The following LRRC7 variants were observed in gnomAD, a reference collection of about 807,000 sequenced individuals.
LRRC7 encodes the protein leucine rich repeat containing 7.
LRRC7 carries 23 observed loss-of-function variants against 175.7 expected under a neutral mutation model. That is an observed-to-expected ratio of 0.13 (90% CI 0.09 to 0.19). The LOEUF is 0.19. LRRC7 is among the 10% of genes least tolerant of loss of function. The pLI, the probability that LRRC7 is intolerant of heterozygous loss-of-function variation, is 1.00. For missense variants in LRRC7, 1,354 were observed against 1,904.7 expected, an observed-to-expected ratio of 0.71 and a Z score of 5.38; for synonymous variants, 685 against 680.9, an observed-to-expected ratio of 1.01 and a Z score of -0.09.
chr1:69,812,196 G>A (rs533309734), intron 4 of LRRC7, among the ~76,000 whole-genome samples: 2 of 152,214 alleles, frequency 1.3e-5, no homozygotes, highest in East Asian at 3.9e-4. Flanking sequence ...GAGTACGTAT[G>A]GAACAAATGT....
intron 7 of LRRC7, among the ~76,000 whole-genome samples, chr1:69,876,582 C>A (rs184156406): frequency 2.6e-5 from 4 of 152,234 alleles, no homozygotes; most frequent in Admixed American, 6.5e-5. Context: ...AGGTAAAAAT[C>A]TTTTATTAAA....
intron 24 of LRRC7, among the ~76,000 whole-genome samples, chr1:70,089,172 T>C (rs969505801): frequency 6.6e-6 from 1 of 152,120 alleles, no homozygotes; most frequent in Admixed American, 6.6e-5. Context: ...TTTTCCTTTT[T>C]TTTACCCTCA....
chr1:70,048,568 T>C lies in LRRC7; in HGVS notation c.4111-4458T>C, dbSNP rs546218216. ...GAACATGACTCATAGGTTAAAAACC[T>C]CTTCCATACACATTATTACCTCACA... On this transcript the variant is annotated intron_variant, in intron 22 of 26. Transcript: ENST00000651989. Among the ~76,000 whole-genome samples the C allele has an allele frequency of 8.9e-4, 135 of 152,238 alleles. No homozygotes were observed. The South Asian group carries it at 0.021, about 24-fold the overall frequency.
intron 10 of LRRC7, among the ~76,000 whole-genome samples, chr1:69,989,177 G>A (rs549764373): frequency 2.0e-5 from 3 of 152,170 alleles, no homozygotes; most frequent in Admixed American, 1.3e-4. Context: ...ACTAAAAATA[G>A]ATGGTTAAGA....
chr1:69,833,628 A>G (rs760590188), intron 5 of LRRC7, among the ~76,000 whole-genome samples: 4 of 152,110 alleles, frequency 2.6e-5, no homozygotes, highest in African/African-American at 9.7e-5. Context: ...AAACGCAGAT[A>G]TAATGTCCCA....
At chr1:69,888,570 C>G (rs1382295029) in intron 7 of LRRC7, among the ~76,000 whole-genome samples, 2 of 152,126 alleles carry the variant, frequency 1.3e-5, no homozygotes, top group Non-Finnish European at 2.9e-5. Flanking sequence ...CAGAAATCAC[C>G]CGTCTTCTGC....
chr1:69,827,327 A>G (rs982868482), intron 5 of LRRC7, among the ~76,000 whole-genome samples: 8 of 152,154 alleles, frequency 5.3e-5, no homozygotes, highest in African/African-American at 2.4e-5. Flanking sequence ...CAGCCAGATT[A>G]GAAATTACAT....
At chr1:69,571,249 A>C (rs1645728302) in intron 1 of LRRC7, among the ~76,000 whole-genome samples, 1 of 152,224 alleles carries the variant, frequency 6.6e-6, no homozygotes, top group African/African-American at 2.4e-5. Context: ...AAACAACTTC[A>C]TAAAGAAACC....
intron 7 of LRRC7, among the ~76,000 whole-genome samples, chr1:69,924,480 A>G (rs1646995151): frequency 6.6e-6 from 1 of 152,170 alleles, no homozygotes. Flanking sequence ...TTCATTGAGC[A>G]GTGGTTTGTA....
intron 23 of LRRC7, among the ~76,000 whole-genome samples, chr1:70,057,435 AT>A (rs1402694250): frequency 2.0e-5 from 3 of 152,140 alleles, no homozygotes; most frequent in Non-Finnish European, 4.4e-5. Flanking sequence ...AGTTAATATT[AT>A]TTTTGCAGTT....
rs371673269 is a variant in LRRC7, at chr1:70,073,142, TA to T, written c.4231-2932del. 3.3e-4 allele frequency among the ~76,000 whole-genome samples: 51 copies of T among 152,308 alleles called. No homozygotes were observed. The East Asian group carries it at 8.3e-3, about 25-fold the overall frequency. On this transcript the variant is annotated intron_variant, in intron 23 of 26. Transcript: ENST00000651989. Reference sequence around the variant, plus strand: ...ACCTCTTTAACACTATTGTGAAGTTTAAAGAGGTAATATGTATATGGTGTTT... The same window carrying T: ...ACCTCTTTAACACTATTGTGAAGTTTAAGAGGTAATATGTATATGGTGTTT...
chr1:69,825,189 T>C (rs1034557300), intron 4 of LRRC7, among the ~76,000 whole-genome samples: 6 of 152,134 alleles, frequency 3.9e-5, no homozygotes, highest in African/African-American at 1.4e-4. Context: ...TTCAGGCAGA[T>C]GCAGAGCTAC....
chr1:69,995,768 G>A (rs1654895464), intron 11 of LRRC7, among the ~76,000 whole-genome samples: 1 of 152,026 alleles, frequency 6.6e-6, no homozygotes, highest in African/African-American at 2.4e-5. Context: ...ATTCCATGGT[G>A]TATATGTGCC....
At chr1:69,657,594 A>G (rs227113) in intron 1 of LRRC7, among the ~76,000 whole-genome samples, 26,245 of 151,794 alleles carry the variant, frequency 0.17, 2,396 homozygotes, top group Admixed American at 0.2. Context: ...ATTAAAAGTT[A>G]TAATATTGAA....
At position 70,125,558 on chromosome 1, in the gene LRRC7, C is replaced by T. The variant is rs1409066870; in HGVS notation, c.*3671C>T. ...CTGTAATCCCAGCACTTTGGGAGGC[C>T]GAGGCGGGCGGATCACGAGGTCAGG... On this transcript the variant is annotated 3_prime_UTR_variant, in exon 27 of 27. Coordinates refer to ENST00000651989, the MANE Select transcript of LRRC7 (RefSeq NM_001370785.2). Among the ~76,000 whole-genome samples, 2 of 151,892 alleles carry T rather than the reference C, an allele frequency of 1.3e-5. No individual in the cohort carries two copies. The highest frequency in any genetic ancestry group is 2.9e-5 in the Non-Finnish European group (2 of 67,962).
chr1:69,682,416 C>T (rs1342072638), intron 2 of LRRC7, among the ~76,000 whole-genome samples: 3 of 152,110 alleles, frequency 2.0e-5, no homozygotes, highest in African/African-American at 7.2e-5. Flanking sequence ...ATGGGGCCAT[C>T]TTAGAAGTCA....
At chr1:69,592,191 C>T (rs1483174965) in intron 1 of LRRC7, among the ~76,000 whole-genome samples, 2 of 151,988 alleles carry the variant, frequency 1.3e-5, no homozygotes, top group African/African-American at 4.8e-5. Context: ...TATACACATA[C>T]CACCCACAAC....
chr1:69,787,795 C>T (rs1674652802), intron 3 of LRRC7, among the ~76,000 whole-genome samples: 1 of 152,168 alleles, frequency 6.6e-6, no homozygotes, highest in South Asian at 2.1e-4. Flanking sequence ...ACTTAAAAGA[C>T]TTGCCCCCAT....
chr1:69,695,038 T>C (rs1662394293), intron 2 of LRRC7, among the ~76,000 whole-genome samples: 1 of 152,186 alleles, frequency 6.6e-6, no homozygotes, highest in Admixed American at 6.5e-5. Flanking sequence ...TGGAAGAGTT[T>C]GGAGACCTTG....
Sources: allele counts gnomAD v4.1 joint callset (sites outside exome capture counted in the v4.1 genomes callset), GRCh38; gene constraint gnomAD v4.1.1; transcripts MANE v1.5; gene names NCBI Gene and HGNC (gene_info 2026-07-23, HGNC 2026-07-21).